LMBRD1: variants seen among roughly 807,000 people sequenced by gnomAD.
The protein encoded by LMBRD1 is LMBR1 domain containing 1, also known as lysosomal cobalamin transport escort protein LMBD1.
Under a neutral mutation model 74.8 loss-of-function variants are expected in LMBRD1, and 64 were observed. That is an observed-to-expected ratio of 0.86 (90% confidence interval 0.70 to 1.05). The LOEUF (loss-of-function observed/expected upper bound fraction) is 1.05, where lower values mean the gene tolerates loss of function less well. Among genes scored for constraint, LMBRD1 ranks in the 50% least tolerant of loss-of-function variants. The probability of loss-of-function intolerance (pLI) is 0.00; values close to 1 mark genes in which losing one functional copy is unlikely to be tolerated. For missense variants in LMBRD1, 652 were observed against 645.9 expected (o/e 1.01, Z -0.10); for synonymous variants, 204 against 216.3 (o/e 0.94, Z 0.50).
chr6:69,733,892 T>A (rs1412179369), intron 7 of LMBRD1, among the ~76,000 whole-genome samples: 2 of 152,246 alleles, frequency 1.3e-5, no homozygotes, highest in Non-Finnish European at 2.9e-5. Flanking sequence ...TTGAACCATA[T>A]GAAACTGTGA....
intron 2 of LMBRD1, 39 bp downstream of exon 2, chr6:69,790,257 T>C (rs755195324): frequency 8.3e-6 from 12 of 1,447,726 alleles, no homozygotes; most frequent in Non-Finnish European, 4.8e-6. Flanking sequence ...GCCAGAAATT[T>C]GAAAGGAAAA....
chr6:69,794,022 T>C (rs2149899420), intron 1 of LMBRD1, among the ~76,000 whole-genome samples: 1 of 152,226 alleles, frequency 6.6e-6, no homozygotes, highest in South Asian at 2.1e-4. Flanking sequence ...ACCTGGCCCA[T>C]GTCCTGAATA....
rs200320792 is a variant in LMBRD1, at chr6:69,692,245, T to C, written c.1417+5318A>G. 4.2e-4 allele frequency among the ~76,000 whole-genome samples: 64 copies of C among 151,466 alleles called. No individual in the cohort carries two copies. The South Asian group carries it at 6.5e-3, about 15-fold the overall frequency. On this transcript the variant is annotated intron_variant, in intron 14 of 15. Transcript: ENST00000649934. Reference sequence around the variant, plus strand: ...ATCCTCAAGCTAAATCCTAACCCTATTGGTCATGTGATTATTTTTTAAGGT... The same window carrying C: ...ATCCTCAAGCTAAATCCTAACCCTACTGGTCATGTGATTATTTTTTAAGGT...
chr6:69,740,663 C>T (rs1301640608), intron 6 of LMBRD1, among the ~76,000 whole-genome samples: 3 of 152,034 alleles, frequency 2.0e-5, no homozygotes, highest in African/African-American at 4.8e-5. Context: ...ATTTAATCAT[C>T]GTTTAGTATT....
intron 9 of LMBRD1, among the ~76,000 whole-genome samples, chr6:69,712,514 A>G (rs986638775): frequency 6.6e-6 from 1 of 152,036 alleles, no homozygotes; most frequent in Non-Finnish European, 1.5e-5. Context: ...CATAAAGAAA[A>G]TGTCACACAT....
chr6:69,701,489 G>C lies in LMBRD1; in HGVS notation c.1037C>G (p.Ala346Gly). The change falls in exon 11 of 16, where the codon GCT (alanine) becomes GGT (glycine). Residue 346 changes from alanine (A) to glycine (G), a missense_variant. Transcript: ENST00000649934. ...CATATTCAGTGGATTACTCAGGTTA[G>C]CTCCAAAAATTATGAAACCAGAATC... ...GIDSGFIIFGANLSNPLNMLL... is the reference protein window; with the variant it reads ...GIDSGFIIFGGNLSNPLNMLL... 1 of 1,608,454 alleles carries C rather than the reference G, an allele frequency of 6.2e-7. No individual in the cohort carries two copies. Among genetic ancestry groups the C allele is most frequent in the South Asian group, 1.1e-5 (1 of 90,800 alleles).
intron 2 of LMBRD1, 62 bp downstream of exon 2, chr6:69,790,234 G>T: frequency 9.2e-7 from 1 of 1,085,924 alleles, no homozygotes; most frequent in Non-Finnish European, 1.4e-6. Context: ...ATATGTATCG[G>T]ACTGCCAAGT....
chr6:69,756,759 G>A (rs1029534494), intron 3 of LMBRD1, among the ~76,000 whole-genome samples: 1 of 152,118 alleles, frequency 6.6e-6, no homozygotes, highest in Non-Finnish European at 1.5e-5. Flanking sequence ...GACCAGCTTT[G>A]ATTACCAAAA....
rs189006418 is a variant in LMBRD1 at position 69,736,205 on chromosome 6, G to A, written c.636+1737C>T. ...GGAGCTAATTGACCCCCCCTCCGCC[G>A]ACCCACCACTTTTTTTTTCTGTACT... On this transcript the variant is annotated intron_variant, in intron 7 of 15. Transcript: ENST00000649934. 6.5e-3 allele frequency among the ~76,000 whole-genome samples: 995 copies of A among 151,992 alleles called. 10 individuals are homozygous for A. Among genetic ancestry groups the A allele is most frequent in the Non-Finnish European group, 0.01 (683 of 67,964 alleles).
chr6:69,719,038 G>A lies in LMBRD1; in HGVS notation c.680C>T (p.Thr227Ile). 1 of 1,612,772 alleles carries A rather than the reference G, an allele frequency of 6.2e-7. No homozygotes were observed. The highest frequency in any genetic ancestry group is 8.5e-7 in the Non-Finnish European group (1 of 1,179,046). The change falls in exon 8 of 16, where the codon ACT (threonine) becomes ATT (isoleucine). Residue 227 changes from threonine to isoleucine, a missense_variant. Transcript: ENST00000649934. ...CAAACGTTCATAAGCAGCGCTTCTA[G>A]TGCCTTTTATCAGATTTAAAGGTAA... ...SALPLNLIKG[T>I]RSAAYERLEN...
chr6:69,697,605 T>C lies in LMBRD1; in HGVS notation c.1375A>G (p.Thr459Ala). Reference sequence around the variant, plus strand: ...TCACATCTCTTTGGCACAGAAAGGGTTGAATTGCCTTTATGATTATCAGAA... The same window carrying C: ...TCACATCTCTTTGGCACAGAAAGGGCTGAATTGCCTTTATGATTATCAGAA... ...ITSDNHKGNS[T>A]LSVPKRCDAD... Residue 459 changes from threonine to alanine, a missense_variant, in exon 14 of 16, where the codon ACC (threonine) becomes GCC (alanine). Coordinates refer to ENST00000649934, the MANE Select transcript of LMBRD1 (RefSeq NM_018368.4). 6.2e-7 allele frequency: 1 copy of C among 1,605,652 alleles called. No individual in the cohort carries two copies. The highest frequency in any genetic ancestry group is 8.5e-7 in the Non-Finnish European group (1 of 1,173,140).
chr6:69,742,933 T>C (rs1767135670), intron 5 of LMBRD1, among the ~76,000 whole-genome samples: 1 of 152,106 alleles, frequency 6.6e-6, no homozygotes, highest in African/African-American at 2.4e-5. Context: ...TATATTCTTC[T>C]TAATCCTAGA....
intron 14 of LMBRD1, 94 bp downstream of exon 14, chr6:69,697,469 G>A (rs1001127329): frequency 4.3e-5 from 37 of 856,628 alleles, no homozygotes; most frequent in African/African-American, 2.3e-4. Context: ...TTCTTACCAC[G>A]TAGTAAAACA....
intron 14 of LMBRD1, among the ~76,000 whole-genome samples, chr6:69,680,084 T>G (rs1419867569): frequency 6.6e-6 from 1 of 152,058 alleles, no homozygotes; most frequent in African/African-American, 2.4e-5. Context: ...TTGGCAAAAT[T>G]CAAATTTGTA....
At chr6:69,702,103 G>A (rs1766145351) in intron 9 of LMBRD1, 150 bp from the exon 10 acceptor site, 1 of 610,190 alleles carries the variant, frequency 1.6e-6, no homozygotes, top group South Asian at 2.0e-5. Context: ...ACAATTCCAG[G>A]CATTTATACC....
intron 2 of LMBRD1, among the ~76,000 whole-genome samples, chr6:69,783,273 T>C (rs1379874173): frequency 6.6e-6 from 1 of 152,202 alleles, no homozygotes; most frequent in East Asian, 1.9e-4. Context: ...GATTCAAGTA[T>C]CCAAATGAAT....
chr6:69,749,828 TTAAA>T (rs1765082237), intron 4 of LMBRD1, among the ~76,000 whole-genome samples: 1 of 148,964 alleles, frequency 6.7e-6, no homozygotes, highest in Admixed American at 6.7e-5. Flanking sequence ...TGAGTATATA[TTAAA>T]TATATTTGTA....
At position 69,796,995 on chromosome 6, in the gene LMBRD1, A is replaced by C. The variant is rs1561925180; in HGVS notation, c.-114T>G. ...CGCACCCTAAAGGTTAAAGGGGCGG[A>C]GGGGGAGGAGCAAGTGGTTGCCAAG... On this transcript the variant is annotated 5_prime_UTR_variant, in exon 1 of 16. Coordinates refer to ENST00000649934, the MANE Select transcript of LMBRD1 (RefSeq NM_018368.4). 1 of 892,504 alleles carries C rather than the reference A, an allele frequency of 1.1e-6. No individual in the cohort carries two copies. The highest frequency in any genetic ancestry group is 1.8e-6 in the Non-Finnish European group (1 of 562,326). The allele number at this position is 892,504 out of a possible 1,614,324, so 55.3% of individuals were successfully genotyped here. A position where few individuals can be genotyped will look rare whatever the true frequency, so the allele number is the denominator to read the frequency against.
chr6:69,762,690 G>A (rs1562116978), intron 3 of LMBRD1, among the ~76,000 whole-genome samples: 1 of 152,072 alleles, frequency 6.6e-6, no homozygotes, highest in Non-Finnish European at 1.5e-5. Context: ...TCTTTGGGGG[G>A]TAATTAGGAT....
Sources: allele counts gnomAD v4.1 joint callset (sites outside exome capture counted in the v4.1 genomes callset), GRCh38; gene constraint gnomAD v4.1.1; transcripts MANE v1.5; gene names NCBI Gene and HGNC (gene_info 2026-07-23, HGNC 2026-07-21).